Variants in GABRB2 observed in about 807,000 individuals in gnomAD.
The protein encoded by GABRB2 is gamma-aminobutyric acid type A receptor subunit beta2, also known as gamma-aminobutyric acid receptor subunit beta-2.
In GABRB2, 16 loss-of-function variants were observed where a neutral mutation model predicts 54.7. The observed-to-expected ratio is 0.29, with a 90% CI of 0.20 to 0.44. The LOEUF is 0.44. GABRB2 is among the 20% of genes least tolerant of loss of function. The pLI is 1.00. For synonymous variants in GABRB2, 244 were observed against 233.8 expected, an observed-to-expected ratio of 1.04 and a Z score of -0.40; for missense variants, 355 against 644.0, an observed-to-expected ratio of 0.55 and a Z score of 4.86.
intron 5 of GABRB2, among the ~76,000 whole-genome samples, chr5:161,399,453 C>T (rs983488761): frequency 1.1e-4 from 17 of 152,092 alleles, no homozygotes; most frequent in Admixed American, 3.3e-4. Context: ...ACAGAACATC[C>T]GTTGTGCTAA....
chr5:161,450,575 C>A (rs1367099440), intron 4 of GABRB2, among the ~76,000 whole-genome samples: 2 of 152,036 alleles, frequency 1.3e-5, no homozygotes, highest in Admixed American at 6.6e-5. Context: ...ATAACTCCAG[C>A]AGTAGCAGTA....
intron 3 of GABRB2, among the ~76,000 whole-genome samples, chr5:161,531,522 A>G (rs928162341): frequency 3.3e-5 from 5 of 152,012 alleles, no homozygotes; most frequent in African/African-American, 7.2e-5. Flanking sequence ...TTTTTTTTCT[A>G]TGTTAATGCT....
chr5:161,530,164 C>G (rs140528280), intron 3 of GABRB2, among the ~76,000 whole-genome samples: 1 of 152,024 alleles, frequency 6.6e-6, no homozygotes, highest in Non-Finnish European at 1.5e-5. Flanking sequence ...AACAGGAAAC[C>G]CAGAGCTCCA....
chr5:161,428,886 T>C (rs1262057718), intron 4 of GABRB2, among the ~76,000 whole-genome samples: 1 of 152,188 alleles, frequency 6.6e-6, no homozygotes, highest in African/African-American at 2.4e-5. Context: ...TTAGGGCATC[T>C]ACCTCTGAAC....
intron 5 of GABRB2, among the ~76,000 whole-genome samples, chr5:161,394,745 T>C (rs1313676332): frequency 6.6e-6 from 1 of 152,076 alleles, no homozygotes. Context: ...CAGGCCCAGA[T>C]GACTTTAGTT....
chr5:161,337,814 A>T (rs1402202484), intron 5 of GABRB2, among the ~76,000 whole-genome samples: 1 of 152,158 alleles, frequency 6.6e-6, no homozygotes, highest in Non-Finnish European at 1.5e-5. Flanking sequence ...AATAAAAAGC[A>T]TATGTCACAT....
At chr5:161,319,388 G>C (rs1758142033) in intron 9 of GABRB2, among the ~76,000 whole-genome samples, 1 of 146,918 alleles carries the variant, frequency 6.8e-6, no homozygotes, top group African/African-American at 2.5e-5. Context: ...CTATGGAAAG[G>C]CTATAATATA....
chr5:161,522,049 A>G (rs1268963580), intron 3 of GABRB2, among the ~76,000 whole-genome samples: 4 of 151,866 alleles, frequency 2.6e-5, no homozygotes, highest in African/African-American at 4.8e-5. Context: ...GAAGTTATAA[A>G]GTTAGTAGGA....
chr5:161,545,290 G>A lies in GABRB2; in HGVS notation c.174C>T (p.Pro58=), dbSNP rs1385011173. 1.3e-6 allele frequency: 2 copies of A among 1,598,260 alleles called. No individual in the cohort carries two copies. The highest frequency in any genetic ancestry group is 1.7e-6 in the Non-Finnish European group (2 of 1,174,120). Residue 58 remains proline (P), a synonymous_variant, in exon 3 of 10, where the codon CCC becomes CCT. Coordinates refer to ENST00000393959, the MANE Select transcript of GABRB2 (RefSeq NM_001371727.1). ...DIRLRPDFGG[P]PVAVGMNIDI... ...CAATGTTCATCCCCACAGCCACGGG[G>A]GGACCTGCAAAGCAAGACGGCCAGC...
At chr5:161,492,963 C>T (rs1408299288) in intron 3 of GABRB2, among the ~76,000 whole-genome samples, 1 of 151,688 alleles carries the variant, frequency 6.6e-6, no homozygotes, top group African/African-American at 2.4e-5. Context: ...CTTCTTGTTA[C>T]AAATAATGCT....
At chr5:161,499,009 C>G (rs1305680553) in intron 3 of GABRB2, among the ~76,000 whole-genome samples, 1 of 152,144 alleles carries the variant, frequency 6.6e-6, no homozygotes, top group African/African-American at 2.4e-5. Flanking sequence ...AATGTTTACC[C>G]CCACATCCAC....
intron 4 of GABRB2, among the ~76,000 whole-genome samples, chr5:161,440,368 A>G (rs1227365283): frequency 1.3e-5 from 2 of 152,174 alleles, no homozygotes; most frequent in East Asian, 1.9e-4. Flanking sequence ...ATAAAGACAC[A>G]TATAGACTGA....
At chr5:161,418,017 C>T (rs1375291396) in intron 4 of GABRB2, among the ~76,000 whole-genome samples, 1 of 152,162 alleles carries the variant, frequency 6.6e-6, no homozygotes, top group Non-Finnish European at 1.5e-5. Context: ...TATTTGTACT[C>T]TTCTGCAGCT....
Position 161,293,654 on chromosome 5 carries a change from A to G in GABRB2, c.*427T>C, listed in dbSNP as rs143967869. 1 of 166,102 alleles carries G rather than the reference A, an allele frequency of 6.0e-6. No homozygotes were observed. The highest frequency in any genetic ancestry group is 1.3e-5 in the Non-Finnish European group (1 of 76,024). The allele number at this position is 166,102 out of a possible 1,614,324, so 10.3% of individuals were successfully genotyped here. On this transcript the variant is annotated 3_prime_UTR_variant, in exon 10 of 10. Coordinates refer to ENST00000393959, the MANE Select transcript of GABRB2 (RefSeq NM_001371727.1). ...TCTTCAAGTAATGTGTTTGCATGGC[A>G]TTACAGATAATGTTTCATAAGGACA...
intron 3 of GABRB2, among the ~76,000 whole-genome samples, chr5:161,460,258 T>TATATATA (rs1758079674): frequency 1.3e-5 from 2 of 148,684 alleles, no homozygotes; most frequent in African/African-American, 5.0e-5. Flanking sequence ...GAAAACAAAT[T>TATATATA]TATATATATA....
In GABRB2 at chr5:161,528,335, G is replaced by T. The variant is rs139132217; in HGVS notation, c.237+16892C>A. ...TTCATTATTGTTTATTATGTTTACC[G>T]ATTTCTACAGTGGACATAAATAAGT... is the stretch of plus-strand genomic sequence containing the variant. On this transcript the variant is annotated intron_variant, in intron 3 of 9. Transcript: ENST00000393959. Among the ~76,000 whole-genome samples the T allele has an allele frequency of 5.0e-4, 76 of 151,696 alleles. 1 individual carries two copies. Among genetic ancestry groups the T allele is most frequent in the Non-Finnish European group, 1.9e-4 (13 of 67,706 alleles).
At chr5:161,356,329 T>C (rs1754626701) in intron 5 of GABRB2, among the ~76,000 whole-genome samples, 1 of 152,170 alleles carries the variant, frequency 6.6e-6, no homozygotes, top group Non-Finnish European at 1.5e-5. Flanking sequence ...GCCTTCTGTC[T>C]TTGTAATTTC....
chr5:161,460,467 G>A (rs867070338), intron 3 of GABRB2, among the ~76,000 whole-genome samples: 1 of 152,126 alleles, frequency 6.6e-6, no homozygotes, highest in East Asian at 1.9e-4. Flanking sequence ...AAATATTTCC[G>A]AGGAAGAAAG....
At chr5:161,497,566 T>C (rs182406506) in intron 3 of GABRB2, among the ~76,000 whole-genome samples, 91 of 149,138 alleles carry the variant, frequency 6.1e-4, no homozygotes, top group Admixed American at 9.3e-4. Flanking sequence ...GTGTTTTATT[T>C]AGTAACAAAG....
Sources: allele counts gnomAD v4.1 joint callset (sites outside exome capture counted in the v4.1 genomes callset), GRCh38; gene constraint gnomAD v4.1.1; transcripts MANE v1.5; gene names NCBI Gene and HGNC (gene_info 2026-07-23, HGNC 2026-07-21).